The following FBN3 variants were observed in gnomAD, a reference collection of about 807,000 sequenced individuals.
FBN3 encodes the protein fibrillin-3.
Under a neutral mutation model 330.1 loss-of-function variants are expected in FBN3, and 234 were observed. The observed-to-expected ratio is 0.71, with a 90% CI of 0.64 to 0.79. The LOEUF (loss-of-function observed/expected upper bound fraction) is 0.79, where lower values mean the gene tolerates loss of function less well. Among genes scored for constraint, FBN3 ranks in the 30% least tolerant of loss-of-function variants. The probability of loss-of-function intolerance (pLI) is 0.00; values close to 1 mark genes in which losing one functional copy is unlikely to be tolerated. For synonymous variants in FBN3, 1,458 were observed against 1,517.3 expected (o/e 0.96, Z 0.91); for missense variants, 3,606 against 3,886.9 (o/e 0.93, Z 1.92).
At chr19:8,145,518 A>C (rs2083515887) in intron 5 of FBN3, among the ~76,000 whole-genome samples, 1 of 151,610 alleles carries the variant, frequency 6.6e-6, no homozygotes, top group Non-Finnish European at 1.5e-5. Context: ...ATCTCTACTA[A>C]AAATACAAAA....
chr19:8,103,684 A>C lies in FBN3; in HGVS notation c.4817T>G (p.Ile1606Ser), dbSNP rs142068873. The change falls in exon 39 of 64, where the codon ATT becomes AGT. Residue 1606 changes from isoleucine (I) to serine (S), a missense_variant. Coordinates refer to ENST00000600128, the MANE Select transcript of FBN3 (RefSeq NM_032447.5). ...LSEHTRICED[I>S]DECSTHSGIC... Reference sequence around the variant, plus strand: ...GCCGGAGTGTGTGGAGCATTCGTCAATATCTGCAGGGAAAGAAGGGGTGGA... The same window carrying C: ...GCCGGAGTGTGTGGAGCATTCGTCACTATCTGCAGGGAAAGAAGGGGTGGA... The C allele has an allele frequency of 2.5e-6, 4 of 1,613,058 alleles. No individual in the cohort carries two copies. In the Admixed American group the frequency reaches 6.7e-5, roughly 27 times the overall value.
intron 1 of FBN3, 128 bp from the exon 2 acceptor site, chr19:8,147,625 G>T: frequency 1.4e-6 from 1 of 717,502 alleles, no homozygotes; most frequent in Non-Finnish European, 2.1e-6. Flanking sequence ...GCCCAAGGAG[G>T]CATCCAGCCC....
At chr19:8,102,324 C>G (rs2082345381) in intron 40 of FBN3, among the ~76,000 whole-genome samples, 1 of 151,972 alleles carries the variant, frequency 6.6e-6, no homozygotes, top group African/African-American at 2.4e-5. Context: ...AAGCGATTCT[C>G]TTGCCTCAGC....
intron 3 of FBN3, 114 bp downstream of exon 3, chr19:8,146,990 T>C: frequency 1.1e-6 from 1 of 928,372 alleles, no homozygotes; most frequent in Non-Finnish European, 1.7e-6. Flanking sequence ...GCCATTCCTG[T>C]GGTTCAGCCA....
chr19:8,138,369 C>G (rs759423553), intron 9 of FBN3, 43 bp downstream of exon 9: 1 of 1,610,170 alleles, frequency 6.2e-7, no homozygotes, highest in South Asian at 1.1e-5. Flanking sequence ...CCTCCCCTGT[C>G]CCCTCCTCAC....
At chr19:8,097,443 G>A (rs1280278167) in intron 41 of FBN3, 29 bp from the exon 42 acceptor site, 3 of 1,573,032 alleles carry the variant, frequency 1.9e-6, no homozygotes, top group Non-Finnish European at 2.6e-6. Context: ...ATCAGGGGCA[G>A]CCCAGCCCCC....
intron 32 of FBN3, 21 bp downstream of exon 32, chr19:8,111,627 C>G: frequency 2.6e-6 from 4 of 1,532,184 alleles, no homozygotes; most frequent in Non-Finnish European, 3.6e-6. Flanking sequence ...GGCCCCTGCC[C>G]TCCCACCCCT....
chr19:8,086,114 G>T (rs993886168), intron 55 of FBN3, 86 bp downstream of exon 55: 9 of 1,047,362 alleles, frequency 8.6e-6, no homozygotes, highest in Non-Finnish European at 1.2e-5. Context: ...GGCAGGCAGT[G>T]GGGGGAACAG....
rs1410054160 is a variant in FBN3 at position 8,126,281 on chromosome 19, ACGGG to A, written c.2605+12_2605+15del. ...CTCTGGAGTAGGGGGTGAGCTGGACACGGGCAGGCAGTTACCATCGCAGGTGACA... is the reference window on the plus strand; with the variant it reads ...CTCTGGAGTAGGGGGTGAGCTGGACACAGGCAGTTACCATCGCAGGTGACA... On this transcript the variant is annotated intron_variant, in intron 21 of 63. Transcript: ENST00000600128. 1 of 1,583,258 alleles carries A rather than the reference ACGGG, an allele frequency of 6.3e-7. No individual in the cohort carries two copies. Among genetic ancestry groups the A allele is most frequent in the Non-Finnish European group, 8.6e-7 (1 of 1,166,408 alleles).
intron 59 of FBN3, among the ~76,000 whole-genome samples, chr19:8,076,278 G>GTGTGTGTGTGTA (rs1177810942): frequency 2.0e-5 from 3 of 151,812 alleles, no homozygotes; most frequent in African/African-American, 7.3e-5. Flanking sequence ...GTGTGTGTGT[G>GTGTGTGTGTGTA]TAAGCTATTG....
chr19:8,066,709 T>A (rs2081399250), intron 63 of FBN3, among the ~76,000 whole-genome samples: 1 of 151,940 alleles, frequency 6.6e-6, no homozygotes, highest in Admixed American at 6.6e-5. Flanking sequence ...TGAAACCCAG[T>A]CGCTACTAAA....
In FBN3 at chr19:8,111,404, C is replaced by T. The variant is rs190952595; in HGVS notation, c.4085-221G>A. 2.6e-3 allele frequency among the ~76,000 whole-genome samples: 402 copies of T among 152,154 alleles called. 3 individuals carry two copies. Among genetic ancestry groups the T allele is most frequent in the African/African-American group, 8.1e-3 (338 of 41,536 alleles). On this transcript the variant is annotated intron_variant, in intron 32 of 63. Transcript: ENST00000600128. ...ACTCTTGGACTCCAGAGAGGGGACCCAGTCTCTCTGGATCCAGGGAGGAGG... is the reference window on the plus strand; with the variant it reads ...ACTCTTGGACTCCAGAGAGGGGACCTAGTCTCTCTGGATCCAGGGAGGAGG...
At chr19:8,116,058 C>G (rs1403875521) in intron 29 of FBN3, among the ~76,000 whole-genome samples, 1 of 152,106 alleles carries the variant, frequency 6.6e-6, no homozygotes, top group Non-Finnish European at 1.5e-5. Context: ...CAAGGCCCAT[C>G]GCTGAAGCAC....
In FBN3 at chr19:8,073,002, T is replaced by C. The variant is rs879195675; in HGVS notation, c.7937+61A>G. On this transcript the variant is annotated intron_variant, in intron 62 of 63. Transcript: ENST00000600128. ...GTGTGTGTGTGTGTGTGTGTGTGTG[T>C]GCGTGCGTGCATGGACGCTTGCGGG... 939 of 930,874 alleles carry C rather than the reference T, an allele frequency of 1.0e-3. 7 individuals carry two copies. Among genetic ancestry groups the C allele is most frequent in the African/African-American group, 8.2e-3 (452 of 55,006 alleles). 57.7% of individuals were successfully genotyped at this position (930,874 alleles called of 1,614,324 possible).
rs1281533709 is a variant in FBN3, at chr19:8,087,947, T to A, written c.6497A>T (p.Asp2166Val). 1.2e-5 allele frequency: 20 copies of A among 1,613,936 alleles called. No individual in the cohort carries two copies. The highest frequency in any genetic ancestry group is 1.7e-5 in the Non-Finnish European group (20 of 1,179,996). The change falls in exon 53 of 64, where the codon GAC (aspartate) becomes GTC (valine). Residue 2166 changes from aspartate (D) to valine (V), a missense_variant and splice_region_variant. Coordinates refer to ENST00000600128, the MANE Select transcript of FBN3 (RefSeq NM_032447.5). ...FEPGLMMTCE[D>V]IDECSLNPLL... ...CGGGTTCAGGGAGCATTCGTCGATGTCTGGGGAGGCCAGTGGAGGTGCCAG... is the reference window on the plus strand; with the variant it reads ...CGGGTTCAGGGAGCATTCGTCGATGACTGGGGAGGCCAGTGGAGGTGCCAG...
intron 25 of FBN3, among the ~76,000 whole-genome samples, chr19:8,120,476 T>TCTTCCTTC (rs139010928): frequency 6.7e-6 from 1 of 149,786 alleles, no homozygotes; most frequent in Non-Finnish European, 1.5e-5. Flanking sequence ...GGCTTTTTCC[T>TCTTCCTTC]CTTCCTTCCT....
chr19:8,073,221 G>A lies in FBN3; in HGVS notation c.7779C>T (p.Cys2593=). The A allele has an allele frequency of 6.2e-7, 1 of 1,614,096 alleles. No homozygotes were observed. Residue 2593 remains cysteine, a synonymous_variant, in exon 62 of 64, where the codon TGC becomes TGT. Coordinates refer to ENST00000600128, the MANE Select transcript of FBN3 (RefSeq NM_032447.5). The part of the protein sequence containing the change: ...SCRNTLGGFR[C]VCPSGFDFDQ... ...CAAAGTCAAAGCCAGAGGGGCAGAC[G>A]CAGCGGAAGCCACCAAGAGTGTTGC...
At chr19:8,085,867 G>A (rs1025417434) in intron 55 of FBN3, among the ~76,000 whole-genome samples, 3 of 152,020 alleles carry the variant, frequency 2.0e-5, no homozygotes, top group Non-Finnish European at 4.4e-5. Flanking sequence ...AAGAGGGGCA[G>A]CAGGGGAGCA....
Position 8,125,927 on chromosome 19 carries a change from C to G in FBN3, c.2696G>C (p.Gly899Ala). 1 of 1,613,636 alleles carries G rather than the reference C, an allele frequency of 6.2e-7. No homozygotes were observed. The highest frequency in any genetic ancestry group is 8.5e-7 in the Non-Finnish European group (1 of 1,179,990). Residue 899 changes from glycine (G) to alanine (A), a missense_variant, in exon 22 of 64, where the codon GGC becomes GCC. Physicochemically the swap from Gly to Ala is moderately conservative, Grantham distance 60 (BLOSUM62 0). Coordinates refer to ENST00000600128, the MANE Select transcript of FBN3 (RefSeq NM_032447.5). ...AGSFRCECPE[G>A]LMLDASGRLC... is the part of the protein sequence containing the mutation. ...CCGGCCTGAGGCGTCCAGCATCAGGCCCTCTGGACACTCACAGCGGAAAGA... is the reference window on the plus strand; with the variant it reads ...CCGGCCTGAGGCGTCCAGCATCAGGGCCTCTGGACACTCACAGCGGAAAGA...
Sources: gnomAD v4.1 joint callset for allele counts (sites outside exome capture counted in the v4.1 genomes callset) on GRCh38, gnomAD v4.1.1 for gene constraint, MANE v1.5 for transcripts, NCBI Gene and HGNC (gene_info 2026-07-23, HGNC 2026-07-21) for gene names.